MEGF11: variants seen among roughly 807,000 people sequenced by gnomAD.
The protein encoded by MEGF11 is multiple EGF like domains 11.
In MEGF11, 126 loss-of-function variants were observed where a neutral mutation model predicts 146.6. That is an observed-to-expected ratio of 0.86 (90% CI 0.74 to 1.00). The LOEUF is 1.00. Among genes scored for constraint, MEGF11 ranks in the 50% least tolerant of loss-of-function variants. The probability of loss-of-function intolerance (pLI) is 0.00; values close to 1 mark genes in which losing one functional copy is unlikely to be tolerated. For missense variants in MEGF11, 1,509 were observed against 1,521.2 expected (o/e 0.99, Z 0.13); for synonymous variants, 532 against 583.4 (o/e 0.91, Z 1.27).
chr15:66,050,786 C>A (rs1167207912), intron 5 of MEGF11, among the ~76,000 whole-genome samples: 2 of 152,244 alleles, frequency 1.3e-5, no homozygotes, highest in African/African-American at 4.8e-5. Flanking sequence ...CCAGCCAGGG[C>A]CCACCCTGAC....
chr15:66,201,360 G>C (rs1317822516), intron 1 of MEGF11, among the ~76,000 whole-genome samples: 2 of 152,130 alleles, frequency 1.3e-5, no homozygotes, highest in African/African-American at 4.8e-5. Context: ...GGCTGCAGAG[G>C]AAGCCCCCAC....
chr15:66,190,988 C>CTTT (rs36126350), intron 1 of MEGF11, among the ~76,000 whole-genome samples: 1 of 151,672 alleles, frequency 6.6e-6, no homozygotes, highest in Non-Finnish European at 1.5e-5. Context: ...ACAGGGGAGA[C>CTTT]TATTACAACA....
chr15:65,998,720 C>A (rs922357838), intron 5 of MEGF11, among the ~76,000 whole-genome samples: 2 of 152,030 alleles, frequency 1.3e-5, no homozygotes, highest in African/African-American at 4.8e-5. Context: ...TGGGGAGGAC[C>A]AAAGCCATTC....
chr15:66,114,611 G>A (rs1455853211), intron 4 of MEGF11, among the ~76,000 whole-genome samples: 1 of 152,224 alleles, frequency 6.6e-6, no homozygotes, highest in African/African-American at 2.4e-5. Context: ...AGGCAAAAAT[G>A]CCTCTGTCCT....
In MEGF11 at chr15:66,053,875, T is replaced by C. The variant is rs751804879; in HGVS notation, c.394+40527A>G. Among the ~76,000 whole-genome samples the C allele has an allele frequency of 2.5e-4, 37 of 148,318 alleles. 1 individual carries two copies. The highest frequency in any genetic ancestry group is 4.9e-4 in the Non-Finnish European group (33 of 67,900). On this transcript the variant is annotated intron_variant, in intron 5 of 25. Coordinates refer to ENST00000395614, the MANE Select transcript of MEGF11 (RefSeq NM_001385028.1). The stretch of plus-strand genomic sequence containing the variant: ...TCCCAAATAGCTGGGACTACAGGCA[T>C]GCACCACCATGCCTGGCTAATTTTT...
intron 1 of MEGF11, among the ~76,000 whole-genome samples, chr15:66,189,837 G>A (rs1198736071): frequency 5.0e-5 from 3 of 59,782 alleles, no homozygotes; most frequent in African/African-American, 1.1e-4. Flanking sequence ...AAAGATGAGG[G>A]GCATTAAATC....
At chr15:66,155,993 C>T (rs2089743074) in intron 1 of MEGF11, among the ~76,000 whole-genome samples, 1 of 152,154 alleles carries the variant, frequency 6.6e-6, no homozygotes, top group African/African-American at 2.4e-5. Flanking sequence ...TGCTGCTTCC[C>T]ATCTGGGACC....
chr15:66,092,116 A>G (rs902776823), intron 5 of MEGF11, among the ~76,000 whole-genome samples: 1 of 146,392 alleles, frequency 6.8e-6, no homozygotes, highest in East Asian at 2.2e-4. Context: ...GCAAGAACCA[A>G]TCAGTAGAAG....
At chr15:66,250,171 T>C (rs1359801665) in intron 1 of MEGF11, among the ~76,000 whole-genome samples, 1 of 152,238 alleles carries the variant, frequency 6.6e-6, no homozygotes, top group Non-Finnish European at 1.5e-5. Flanking sequence ...GCAGAAGATC[T>C]GCACAGCAGT....
chr15:66,014,070 A>C (rs2082800904), intron 5 of MEGF11, among the ~76,000 whole-genome samples: 1 of 152,200 alleles, frequency 6.6e-6, no homozygotes, highest in Non-Finnish European at 1.5e-5. Flanking sequence ...CAGAGGAAAC[A>C]CAGAGGCCGT....
intron 1 of MEGF11, among the ~76,000 whole-genome samples, chr15:66,212,537 AGGCTG>A: frequency 6.6e-6 from 1 of 152,242 alleles, no homozygotes; most frequent in East Asian, 1.9e-4. Flanking sequence ...CCCTAGAGCC[AGGCTG>A]GGCTGGCCCC....
chr15:66,110,941 C>G lies in MEGF11; in HGVS notation c.301+8145G>C, dbSNP rs566433559. Among the ~76,000 whole-genome samples, 3 of 152,240 alleles carry G rather than the reference C, an allele frequency of 2.0e-5. No individual in the cohort carries two copies. In the South Asian group the frequency reaches 6.2e-4, roughly 32 times the overall value. Reference sequence around the variant, plus strand: ...CAGTATAGCTTCAGTCCCCTCCTCCCCCTCCAAACCTCCTCCCCTGCCCTC... The same window carrying G: ...CAGTATAGCTTCAGTCCCCTCCTCCGCCTCCAAACCTCCTCCCCTGCCCTC... On this transcript the variant is annotated intron_variant, in intron 4 of 25. Transcript: ENST00000395614.
At position 66,044,758 on chromosome 15, in the gene MEGF11, C is replaced by T. The variant is rs138061926; in HGVS notation, c.394+49644G>A. 1.6e-3 allele frequency among the ~76,000 whole-genome samples: 235 copies of T among 143,750 alleles called. 4 individuals are homozygous for T. In the South Asian group the frequency reaches 0.033, roughly 20 times the overall value. The allele number at this position is 143,750 out of a possible 152,430, so 94.3% of individuals were successfully genotyped here. On this transcript the variant is annotated intron_variant, in intron 5 of 25. Coordinates refer to ENST00000395614, the MANE Select transcript of MEGF11 (RefSeq NM_001385028.1). The stretch of plus-strand genomic sequence containing the variant: ...GTCCCAGTTACCTGAGAGGCTGAGG[C>T]GGGAGAATTGCTTGAGCCCAGGAGT...
At chr15:65,933,565 A>G (rs1346255489) in intron 10 of MEGF11, among the ~76,000 whole-genome samples, 1 of 152,210 alleles carries the variant, frequency 6.6e-6, no homozygotes, top group African/African-American at 2.4e-5. Context: ...AGAGAAGCCT[A>G]TGCCTGGTCT....
At chr15:66,047,803 C>A (rs2084274521) in intron 5 of MEGF11, among the ~76,000 whole-genome samples, 1 of 152,178 alleles carries the variant, frequency 6.6e-6, no homozygotes, top group South Asian at 2.1e-4. Flanking sequence ...CAGGGACGTC[C>A]CCCAGGACTG....
chr15:66,132,098 C>T (rs2140975638), intron 1 of MEGF11, among the ~76,000 whole-genome samples: 1 of 152,358 alleles, frequency 6.6e-6, no homozygotes, highest in East Asian at 1.9e-4. Context: ...CTGTCCAGGG[C>T]TTCTGCTCCG....
chr15:66,203,234 C>T (rs1006170828), intron 1 of MEGF11, among the ~76,000 whole-genome samples: 1 of 152,178 alleles, frequency 6.6e-6, no homozygotes, highest in Non-Finnish European at 1.5e-5. Flanking sequence ...TCATGGAGGT[C>T]GGAGAGCATC....
chr15:66,022,378 G>A (rs1408854955), intron 5 of MEGF11, among the ~76,000 whole-genome samples: 1 of 152,260 alleles, frequency 6.6e-6, no homozygotes, highest in Non-Finnish European at 1.5e-5. Flanking sequence ...TGACCACACT[G>A]TTAGGTGACA....
intron 1 of MEGF11, among the ~76,000 whole-genome samples, chr15:66,216,027 T>C (rs912468274): frequency 6.6e-6 from 1 of 152,164 alleles, no homozygotes; most frequent in Non-Finnish European, 1.5e-5. Flanking sequence ...CTCCTTCAAC[T>C]GCCTGCGAGG....
Sources: allele counts gnomAD v4.1 joint callset (sites outside exome capture counted in the v4.1 genomes callset), GRCh38; gene constraint gnomAD v4.1.1; transcripts MANE v1.5; gene names NCBI Gene and HGNC (gene_info 2026-07-23, HGNC 2026-07-21).